Variants in ASTN2 observed in about 807,000 individuals in gnomAD.
The protein encoded by ASTN2 is astrotactin-2.
A neutral mutation model predicts 139.8 loss-of-function variants in ASTN2; 54 were observed. The ratio of observed to expected loss-of-function variants is 0.39; its 90% CI spans 0.31 to 0.48. The LOEUF is 0.48. Among genes scored for constraint, ASTN2 ranks in the 20% least tolerant of loss-of-function variants. The pLI is 0.95. For synonymous variants in ASTN2, 756 were observed against 719.5 expected, an observed-to-expected ratio of 1.05 and a Z score of -0.81; for missense variants, 1,565 against 1,725.1, an observed-to-expected ratio of 0.91 and a Z score of 1.64.
chr9:116,442,839 T>C (rs905981122), intron 20 of ASTN2, among the ~76,000 whole-genome samples: 3 of 152,218 alleles, frequency 2.0e-5, no homozygotes, highest in African/African-American at 4.8e-5. Flanking sequence ...AATGGGGGTA[T>C]TGAACTCATG....
At chr9:117,133,479 G>A (rs535531558) in intron 4 of ASTN2, among the ~76,000 whole-genome samples, 1 of 152,166 alleles carries the variant, frequency 6.6e-6, no homozygotes, top group Non-Finnish European at 1.5e-5. Context: ...CTGAGGCCCA[G>A]AGAGTGGAAG....
Position 116,761,045 on chromosome 9 carries a change from T to C in ASTN2, c.2397-27522A>G, listed in dbSNP as rs367912659. Among the ~76,000 whole-genome samples, 10 of 152,330 alleles carry C rather than the reference T, an allele frequency of 6.6e-5. No homozygotes were observed. In the South Asian group the frequency reaches 1.7e-3, roughly 25 times the overall value. On this transcript the variant is annotated intron_variant, in intron 13 of 22. Coordinates refer to ENST00000313400, the MANE Select transcript of ASTN2 (RefSeq NM_001365068.1). ...GGGCAGCTCTGGCTGGCGCCTCCCA[T>C]GCATGGTACAACGGGGAATAGCTAA...
chr9:117,099,055 C>G (rs13283031), intron 4 of ASTN2, among the ~76,000 whole-genome samples: 1 of 147,756 alleles, frequency 6.8e-6, no homozygotes, highest in Non-Finnish European at 1.5e-5. Flanking sequence ...TGCAGTGAGC[C>G]GAGATCAAGC....
chr9:117,151,303 T>C lies in ASTN2; in HGVS notation c.1016-9825A>G, dbSNP rs866257702. ...CAGAGTCACTAGCCAAATTCCTCCC[T>C]CCCAGATCTATCCTGTCCATGACTT... On this transcript the variant is annotated intron_variant, in intron 3 of 22. Transcript: ENST00000313400. 7.0e-4 allele frequency among the ~76,000 whole-genome samples: 107 copies of C among 152,246 alleles called. No homozygotes were observed. The Middle Eastern group carries it at 0.01, about 15-fold the overall frequency.
At chr9:117,409,807 C>T (rs1013592141) in intron 1 of ASTN2, among the ~76,000 whole-genome samples, 3 of 152,176 alleles carry the variant, frequency 2.0e-5, no homozygotes, top group African/African-American at 7.2e-5. Flanking sequence ...AAGGAAGCTT[C>T]TCCAGCCCTC....
intron 17 of ASTN2, among the ~76,000 whole-genome samples, chr9:116,644,561 T>G (rs182468660): frequency 3.8e-4 from 58 of 152,228 alleles, no homozygotes; most frequent in Admixed American, 2.9e-3. Context: ...AATTCAGCCT[T>G]GGCTATGTGA....
chr9:117,403,735 G>A (rs1830903344), intron 1 of ASTN2, among the ~76,000 whole-genome samples: 1 of 152,130 alleles, frequency 6.6e-6, no homozygotes, highest in Admixed American at 6.5e-5. Flanking sequence ...ACCACCAGAA[G>A]GGAGAGGATT....
At chr9:116,921,363 C>A (rs536626726) in intron 10 of ASTN2, among the ~76,000 whole-genome samples, 9 of 151,724 alleles carry the variant, frequency 5.9e-5, no homozygotes, top group Non-Finnish European at 1.0e-4. Flanking sequence ...CTGAGGCGGG[C>A]GGATCACATG....
intron 19 of ASTN2, chr9:116,568,757 G>A (rs1436967530): frequency 6.6e-6 from 1 of 152,192 alleles, no homozygotes; most frequent in African/African-American, 2.4e-5. Context: ...GGGGGATCAG[G>A]ACCACAGGAC....
chr9:117,059,759 A>G (rs1289703561), intron 5 of ASTN2, among the ~76,000 whole-genome samples: 6 of 152,172 alleles, frequency 3.9e-5, no homozygotes, highest in Admixed American at 3.3e-4. Context: ...TCCAGTTTTG[A>G]TTAGTCATTA....
intron 11 of ASTN2, among the ~76,000 whole-genome samples, chr9:116,847,007 C>CAAAAAAAAAAAAAAAAAAAAA (rs11302692): frequency 4.0e-5 from 3 of 75,882 alleles, no homozygotes; most frequent in African/African-American, 9.9e-5. Flanking sequence ...GCTTCATTCT[C>CAAAAAAAAAAAAAAAAAAAAA]AAAAAAAAAA....
At chr9:117,240,547 A>T (rs1384556777) in intron 2 of ASTN2, among the ~76,000 whole-genome samples, 1 of 152,206 alleles carries the variant, frequency 6.6e-6, no homozygotes, top group Non-Finnish European at 1.5e-5. Flanking sequence ...TTAGGGAGGT[A>T]CCACAAAGCC....
chr9:116,670,578 A>G (rs1292686500), intron 16 of ASTN2, among the ~76,000 whole-genome samples: 4 of 152,188 alleles, frequency 2.6e-5, no homozygotes, highest in Non-Finnish European at 5.9e-5. Context: ...GGTAAAGGAG[A>G]CTGTCTCTTT....
chr9:117,029,983 C>A (rs922104698), intron 6 of ASTN2, among the ~76,000 whole-genome samples: 1 of 151,868 alleles, frequency 6.6e-6, no homozygotes, highest in Middle Eastern at 3.4e-3. Context: ...CCCACTAATA[C>A]TCTTTGAAGG....
chr9:116,973,982 C>G (rs1836278257), intron 10 of ASTN2, among the ~76,000 whole-genome samples: 1 of 152,098 alleles, frequency 6.6e-6, no homozygotes, highest in Non-Finnish European at 1.5e-5. Context: ...AGCTTTCTGT[C>G]AAGATGCCAT....
chr9:117,134,252 G>T (rs1447076839), intron 4 of ASTN2, among the ~76,000 whole-genome samples: 2 of 136,096 alleles, frequency 1.5e-5, no homozygotes, highest in Non-Finnish European at 1.5e-5. Context: ...TTCATGACCA[G>T]TTACTAATGA....
At chr9:116,438,429 C>T (rs1847725752) in intron 22 of ASTN2, among the ~76,000 whole-genome samples, 1 of 152,162 alleles carries the variant, frequency 6.6e-6, no homozygotes, top group Middle Eastern at 3.2e-3. Flanking sequence ...TATCTCTTAC[C>T]ACTCCTGCTG....
intron 6 of ASTN2, among the ~76,000 whole-genome samples, chr9:117,013,793 T>C (rs1052088009): frequency 3.3e-5 from 5 of 152,018 alleles, no homozygotes; most frequent in African/African-American, 1.2e-4. Context: ...GAACTAAAAA[T>C]ACCACGGAAG....
chr9:116,532,127 C>A (rs1302172976), intron 19 of ASTN2, among the ~76,000 whole-genome samples: 1 of 152,230 alleles, frequency 6.6e-6, no homozygotes, highest in Non-Finnish European at 1.5e-5. Flanking sequence ...TGATGATGAG[C>A]ATTTTTGCAT....
Sources: allele counts gnomAD v4.1 joint callset (sites outside exome capture counted in the v4.1 genomes callset), GRCh38; gene constraint gnomAD v4.1.1; transcripts MANE v1.5; gene names NCBI Gene and HGNC (gene_info 2026-07-23, HGNC 2026-07-21).